Variants in CCDC170 observed in about 807,000 individuals in gnomAD.
CCDC170 encodes the protein coiled-coil domain-containing protein 170.
In CCDC170, 69 loss-of-function variants were observed where a neutral mutation model predicts 72.6. The ratio of observed to expected loss-of-function variants is 0.95; its 90% confidence interval spans 0.78 to 1.16. CCDC170 has a LOEUF of 1.16. Ranked by LOEUF, CCDC170 falls within the 50% of genes most tolerant of loss-of-function variation. The pLI, the probability that CCDC170 is intolerant of heterozygous loss-of-function variation, is 0.00. For synonymous variants in CCDC170, 300 were observed against 303.9 expected (o/e 0.99, Z 0.13); for missense variants, 852 against 832.5 (o/e 1.02, Z -0.29).
intron 1 of CCDC170, among the ~76,000 whole-genome samples, chr6:151,503,538 C>T (rs547435392): frequency 2.7e-4 from 41 of 152,188 alleles, no homozygotes; most frequent in African/African-American, 9.2e-4. Context: ...CTGCAACATC[C>T]GCCTCCCAGG....
At chr6:151,598,873 G>A (rs1177002761) in intron 9 of CCDC170, among the ~76,000 whole-genome samples, 3 of 152,172 alleles carry the variant, frequency 2.0e-5, no homozygotes, top group Non-Finnish European at 4.4e-5. Flanking sequence ...ATGTGGCTGG[G>A]ACATTGCACC....
At chr6:151,588,422 T>C (rs963417899) in intron 7 of CCDC170, among the ~76,000 whole-genome samples, 1 of 152,134 alleles carries the variant, frequency 6.6e-6, no homozygotes, top group African/African-American at 2.4e-5. Flanking sequence ...CTTCCAAGGG[T>C]TGGACACAGC....
At chr6:151,548,225 G>A in intron 4 of CCDC170, 79 bp from the exon 5 acceptor site, 1 of 1,240,460 alleles carries the variant, frequency 8.1e-7, no homozygotes, top group Non-Finnish European at 1.1e-6. Flanking sequence ...TGATAATGCA[G>A]TCTATAGATG....
chr6:151,601,153 T>C (rs1583046350), intron 9 of CCDC170, among the ~76,000 whole-genome samples: 1 of 152,144 alleles, frequency 6.6e-6, no homozygotes, highest in East Asian at 1.9e-4. Flanking sequence ...TAAAGGCACT[T>C]CTTACATGGC....
rs765566316 is a variant in CCDC170, at chr6:151,573,368, C to G, written c.969C>G (p.Tyr323Ter). 6.2e-7 allele frequency: 1 copy of G among 1,614,142 alleles called. No homozygotes were observed. Among genetic ancestry groups the G allele is most frequent in the Admixed American group, 1.7e-5 (1 of 60,016 alleles). ...QDAVTTSQSQ[Y>*]FSFREKIAAL... The stretch of plus-strand genomic sequence containing the variant: ...CAGTCACAACCTCACAAAGCCAGTA[C>G]TTCTCATTTAGGGAGAAAATCGCAG... The change falls in exon 6 of 11, where the codon TAC becomes TAG. Residue 323 changes from tyrosine (Y) to a stop codon, truncating the protein, a stop_gained. Coordinates refer to ENST00000239374, the MANE Select transcript of CCDC170 (RefSeq NM_025059.4). LOFTEE classifies it high-confidence loss of function.
At chr6:151,584,099 G>A (rs1188703495) in intron 6 of CCDC170, among the ~76,000 whole-genome samples, 1 of 152,188 alleles carries the variant, frequency 6.6e-6, no homozygotes, top group Admixed American at 6.5e-5. Context: ...GAAAAATGAC[G>A]CTGATAGACT....
chr6:151,550,520 C>A (rs1201215100), intron 5 of CCDC170, among the ~76,000 whole-genome samples: 24 of 152,112 alleles, frequency 1.6e-4, no homozygotes, highest in Admixed American at 1.6e-3. Context: ...ATCAAAAGGC[C>A]CTTCGCACCA....
chr6:151,503,800 A>G (rs925363387), intron 1 of CCDC170, among the ~76,000 whole-genome samples: 6 of 152,148 alleles, frequency 3.9e-5, no homozygotes, highest in African/African-American at 1.4e-4. Flanking sequence ...CGATTTGGGT[A>G]TATCTAATGT....
chr6:151,562,297 T>G (rs554871709), intron 5 of CCDC170, among the ~76,000 whole-genome samples: 8 of 152,352 alleles, frequency 5.3e-5, no homozygotes, highest in South Asian at 4.1e-4. Context: ...TCTGGCTTTT[T>G]GTACTGCTGG....
chr6:151,596,667 A>G lies in CCDC170; in HGVS notation c.1710+90A>G. On this transcript the variant is annotated intron_variant, in intron 9 of 10. Coordinates refer to ENST00000239374, the MANE Select transcript of CCDC170 (RefSeq NM_025059.4). ...AATGACAGCTTTATCGGGACACGCCAGAAGAAGAAAGATGAAAGCCTCCTC... is the reference window on the plus strand; with the variant it reads ...AATGACAGCTTTATCGGGACACGCCGGAAGAAGAAAGATGAAAGCCTCCTC... 2.7e-6 allele frequency: 4 copies of G among 1,505,468 alleles called. No individual in the cohort carries two copies. The South Asian group carries it at 5.4e-5, about 20-fold the overall frequency. 93.3% of individuals were successfully genotyped at this position (1,505,468 alleles called of 1,614,324 possible).
At chr6:151,522,681 G>A (rs190133220) in intron 1 of CCDC170, among the ~76,000 whole-genome samples, 8 of 152,290 alleles carry the variant, frequency 5.3e-5, no homozygotes, top group Admixed American at 1.3e-4. Flanking sequence ...CCATTGCTCC[G>A]TCTTTAAGGG....
intron 1 of CCDC170, among the ~76,000 whole-genome samples, chr6:151,519,566 A>G (rs938655575): frequency 2.6e-5 from 4 of 152,262 alleles, no homozygotes; most frequent in African/African-American, 9.6e-5. Flanking sequence ...TAAAGTAAAG[A>G]CAGGCATAAG....
chr6:151,546,006 G>A (rs1227991551), intron 4 of CCDC170, among the ~76,000 whole-genome samples: 1 of 151,828 alleles, frequency 6.6e-6, no homozygotes, highest in East Asian at 1.9e-4. Context: ...TCTAACTCCT[G>A]GGCTCAAGCG....
intron 5 of CCDC170, among the ~76,000 whole-genome samples, chr6:151,558,124 T>C (rs941567695): frequency 1.3e-5 from 2 of 152,054 alleles, no homozygotes; most frequent in African/African-American, 4.8e-5. Flanking sequence ...AAATAAACCT[T>C]TGGCCATTTG....
Position 151,595,869 on chromosome 6 carries a change from C to T in CCDC170, c.1468-466C>T, listed in dbSNP as rs562416043. 2.6e-5 allele frequency among the ~76,000 whole-genome samples: 4 copies of T among 152,102 alleles called. No homozygotes were observed. In the East Asian group the frequency reaches 5.8e-4, roughly 22 times the overall value. ...CTCTCATGTTGGGGGCCACGTGTTC[C>T]AGTTCTAAGGGATTGAAATGAGCCA... is the stretch of plus-strand genomic sequence containing the variant. On this transcript the variant is annotated intron_variant, in intron 8 of 10. Coordinates refer to ENST00000239374, the MANE Select transcript of CCDC170 (RefSeq NM_025059.4).
rs183082324 is a variant in CCDC170 at position 151,503,161 on chromosome 6, G to C, written c.57+8976G>C. On this transcript the variant is annotated intron_variant, in intron 1 of 10. Coordinates refer to ENST00000239374, the MANE Select transcript of CCDC170 (RefSeq NM_025059.4). ...CGCTGCCCTCTGGCCTGGCGACAGG[G>C]CGAGACTACATTTAAAAAAAAAAAG... Among the ~76,000 whole-genome samples, 97 of 152,204 alleles carry C rather than the reference G, an allele frequency of 6.4e-4. 1 individual carries two copies. The East Asian group carries it at 0.017, about 27-fold the overall frequency.
chr6:151,508,443 CAGA>C (rs1444256914), intron 1 of CCDC170, among the ~76,000 whole-genome samples: 1 of 152,068 alleles, frequency 6.6e-6, no homozygotes, highest in Non-Finnish European at 1.5e-5. Context: ...GAGGCTGAGG[CAGA>C]AGGATTGCTT....
intron 5 of CCDC170, among the ~76,000 whole-genome samples, chr6:151,550,692 C>A (rs1782864462): frequency 6.6e-6 from 1 of 152,090 alleles, no homozygotes; most frequent in Non-Finnish European, 1.5e-5. Flanking sequence ...GCCGGGAAAT[C>A]CAAGATCAGA....
At chr6:151,605,241 T>A (rs2115132243) in intron 9 of CCDC170, among the ~76,000 whole-genome samples, 1 of 152,368 alleles carries the variant, frequency 6.6e-6, no homozygotes, top group East Asian at 1.9e-4. Context: ...TTTATTATGG[T>A]AGAATAGTAT....
Sources: allele counts gnomAD v4.1 joint callset (sites outside exome capture counted in the v4.1 genomes callset), GRCh38; gene constraint gnomAD v4.1.1; transcripts MANE v1.5; gene names NCBI Gene and HGNC (gene_info 2026-07-23, HGNC 2026-07-21).